Variants in ZNF274 observed in about 807,000 individuals in gnomAD.
The protein encoded by ZNF274 is neurotrophin receptor-interacting factor homolog.
In ZNF274, 23 loss-of-function variants were observed where a neutral mutation model predicts 42.5. The ratio of observed to expected loss-of-function variants is 0.54; its 90% CI spans 0.39 to 0.77. The LOEUF (loss-of-function observed/expected upper bound fraction) is 0.77. Among genes scored for constraint, ZNF274 ranks in the 30% least tolerant of loss-of-function variants. The pLI, the probability that ZNF274 is intolerant of heterozygous loss-of-function variation, is 0.00. For missense variants in ZNF274, 679 were observed against 806.5 expected (o/e 0.84, Z 1.91); for synonymous variants, 292 against 305.4 (o/e 0.96, Z 0.46).
chr19:58,213,198 A>G lies in ZNF274; in HGVS notation c.*55A>G, dbSNP rs376581323. ...TTTCAGCTTGACCCTGCAATATAAC[A>G]TGCACAGGCCTGCTTGTGAATCAGG... On this transcript the variant is annotated 3_prime_UTR_variant, in exon 8 of 8. Transcript: ENST00000617501. The G allele has an allele frequency of 2.1e-4, 319 of 1,548,608 alleles. No individual in the cohort carries two copies. In the African/African-American group the frequency reaches 4.1e-3, roughly 20 times the overall value.
intron 4 of ZNF274, among the ~76,000 whole-genome samples, chr19:58,206,514 C>T (rs2075979861): frequency 1.3e-5 from 2 of 152,224 alleles, no homozygotes; most frequent in South Asian, 4.1e-4. Flanking sequence ...AGTGGTACAG[C>T]ATTTTATGTT....
At chr19:58,200,786 T>C (rs1287250177) in intron 4 of ZNF274, among the ~76,000 whole-genome samples, 1 of 152,166 alleles carries the variant, frequency 6.6e-6, no homozygotes, top group Non-Finnish European at 1.5e-5. Flanking sequence ...TAGGCCGTTC[T>C]TAAATTGCTG....
At chr19:58,195,235 G>A (rs1382936887) in intron 4 of ZNF274, among the ~76,000 whole-genome samples, 1 of 137,104 alleles carries the variant, frequency 7.3e-6, no homozygotes, top group Admixed American at 7.4e-5. Context: ...GTGTATATAT[G>A]TGTGTGTATA....
intron 1 of ZNF274, 55 bp downstream of exon 1, chr19:58,183,497 A>G (rs2075655634): frequency 6.3e-6 from 1 of 159,696 alleles, no homozygotes. Flanking sequence ...CGGGTCCAGA[A>G]CCGTTAGTTG....
At chr19:58,205,917 A>G (rs2075974480) in intron 4 of ZNF274, among the ~76,000 whole-genome samples, 1 of 152,142 alleles carries the variant, frequency 6.6e-6, no homozygotes, top group Admixed American at 6.5e-5. Context: ...TTTCCCTATA[A>G]CAGCTCTATG....
At chr19:58,191,174 T>G (rs2075774551) in intron 4 of ZNF274, among the ~76,000 whole-genome samples, 1 of 152,220 alleles carries the variant, frequency 6.6e-6, no homozygotes, top group South Asian at 2.1e-4. Context: ...AGTCTCACTC[T>G]ATCGCCAGGC....
At chr19:58,205,805 G>A (rs567777823) in intron 4 of ZNF274, among the ~76,000 whole-genome samples, 2 of 152,226 alleles carry the variant, frequency 1.3e-5, no homozygotes, top group East Asian at 1.9e-4. Flanking sequence ...ATATATCCTC[G>A]TTCTTGTCCC....
chr19:58,210,127 C>G (rs952186218), intron 6 of ZNF274, 54 bp downstream of exon 6: 6 of 1,483,518 alleles, frequency 4.0e-6, no homozygotes, highest in Middle Eastern at 1.8e-4. Flanking sequence ...TGAGGCAGGC[C>G]CACCCCTGAG....
chr19:58,187,772 C>G (rs2075717643), intron 4 of ZNF274, among the ~76,000 whole-genome samples: 1 of 152,126 alleles, frequency 6.6e-6, no homozygotes, highest in African/African-American at 2.4e-5. Flanking sequence ...GTTGCTCAGG[C>G]TGGAGTGCAG....
chr19:58,186,514 C>A (rs1418173751), intron 3 of ZNF274, among the ~76,000 whole-genome samples: 1 of 124,038 alleles, frequency 8.1e-6, no homozygotes, highest in Non-Finnish European at 1.6e-5. Context: ...CCAGCTTGGG[C>A]AACTGAGCAA....
rs111728832 is a variant in ZNF274, at chr19:58,201,447, A to C, written c.257-5273A>C. Among the ~76,000 whole-genome samples the C allele has an allele frequency of 8.2e-3, 1,241 of 152,090 alleles. 6 individuals carry two copies. The highest frequency in any genetic ancestry group is 0.012 in the Non-Finnish European group (842 of 67,984). On this transcript the variant is annotated intron_variant, in intron 4 of 7. Transcript: ENST00000617501. ...TCAACCTGAGATTTGGTAGGGACAC[A>C]GAACCAAACCGGATCATCCACTCTG... is the stretch of plus-strand genomic sequence containing the variant.
chr19:58,190,234 A>G (rs2075764335), intron 4 of ZNF274, among the ~76,000 whole-genome samples: 1 of 144,598 alleles, frequency 6.9e-6, no homozygotes, highest in Non-Finnish European at 1.5e-5. Context: ...TGCAACCTCC[A>G]TCCTCTGGGT....
intron 4 of ZNF274, among the ~76,000 whole-genome samples, chr19:58,196,735 C>T (rs1439871142): frequency 2.0e-5 from 3 of 152,150 alleles, no homozygotes; most frequent in Admixed American, 6.5e-5. Context: ...AACAGCATAC[C>T]ATTCTTTTAT....
In ZNF274 at chr19:58,183,934, T is replaced by G; in HGVS notation, c.-32T>G. ...CGGTTTCCTCAGGACTCTGCCCACT[T>G]CCACCAGAGACACATTGAGAAGGAG... On this transcript the variant is annotated 5_prime_UTR_variant, in exon 2 of 8. Transcript: ENST00000617501. 4 of 1,584,548 alleles carry G rather than the reference T, an allele frequency of 2.5e-6. No homozygotes were observed. Among genetic ancestry groups the G allele is most frequent in the Non-Finnish European group, 3.4e-6 (4 of 1,165,188 alleles).
rs768396135 is a variant in ZNF274 at position 58,207,237 on chromosome 19, G to A, written c.739+35G>A. 18 of 1,576,722 alleles carry A rather than the reference G, an allele frequency of 1.1e-5. No homozygotes were observed. Among genetic ancestry groups the A allele is most frequent in the Admixed American group, 3.6e-5 (2 of 56,276 alleles). ...AGGGTGGGTAGAGGGACAGCTTAAT[G>A]AGGGTGTCTTGGAGTACCCTGTGGG... On this transcript the variant is annotated intron_variant, in intron 5 of 7. Transcript: ENST00000617501. The surrounding 1 kb of genome is among the most constrained non-coding windows in gnomAD (Gnocchi z 5.6).
intron 5 of ZNF274, 57 bp from the exon 6 acceptor site, chr19:58,209,904 G>A: frequency 1.5e-6 from 2 of 1,332,164 alleles, no homozygotes; most frequent in Non-Finnish European, 2.1e-6. Flanking sequence ...GGCCACCCTT[G>A]CCCTGCCTAA....
intron 4 of ZNF274, among the ~76,000 whole-genome samples, chr19:58,201,674 G>A (rs529385330): frequency 6.6e-6 from 1 of 152,010 alleles, no homozygotes; most frequent in Admixed American, 6.6e-5. Flanking sequence ...CCGCCACCTC[G>A]CCTAGCTAAC....
chr19:58,200,157 A>G (rs1220760028), intron 4 of ZNF274, among the ~76,000 whole-genome samples: 1 of 152,224 alleles, frequency 6.6e-6, no homozygotes, highest in Non-Finnish European at 1.5e-5. Flanking sequence ...CCAGGGCTGG[A>G]TCACAGTGAT....
rs946484888 is a variant in ZNF274 at position 58,208,404 on chromosome 19, C to G, written c.739+1202C>G. On this transcript the variant is annotated intron_variant, in intron 5 of 7. Transcript: ENST00000617501. This position sits in a 1 kb window ranked among gnomAD's most constrained non-coding sequence, Gnocchi z 4.5. ...CCCCAAAGGTGTCCATGTCCTGACT[C>G]CTGGACCCTGTGAATAAGTTGCCTC... The G allele has an allele frequency of 6.6e-6, 1 of 152,218 alleles. No individual in the cohort carries two copies. The highest frequency in any genetic ancestry group is 1.5e-5 in the Non-Finnish European group (1 of 68,072). 9.4% of individuals were successfully genotyped at this position (152,218 alleles called of 1,614,324 possible).
Sources: gnomAD v4.1 joint callset for allele counts (sites outside exome capture counted in the v4.1 genomes callset) on GRCh38, gnomAD v4.1.1 for gene constraint, Gnocchi (gnomAD v3.1) non-coding constraint, MANE v1.5 for transcripts, NCBI Gene and HGNC (gene_info 2026-07-23, HGNC 2026-07-21) for gene names.